PPM1L: variants seen among roughly 807,000 people sequenced by gnomAD.
PPM1L encodes protein phosphatase, Mg2+/Mn2+ dependent 1L.
In PPM1L, 13 loss-of-function variants were observed where a neutral mutation model predicts 31.4. The ratio of observed to expected loss-of-function variants is 0.41; its 90% CI spans 0.27 to 0.66. The LOEUF is 0.66. Ranked by LOEUF, PPM1L falls within the 30% of genes least tolerant of loss-of-function variation. The pLI is 0.29. For synonymous variants in PPM1L, 184 were observed against 175.4 expected (o/e 1.05, Z -0.39); for missense variants, 326 against 453.7 (o/e 0.72, Z 2.56).
At chr3:161,026,089 A>G (rs1718381671) in intron 2 of PPM1L, among the ~76,000 whole-genome samples, 1 of 152,230 alleles carries the variant, frequency 6.6e-6, no homozygotes. Flanking sequence ...CCAAAGAAGG[A>G]ACCCAGAAAG....
chr3:160,817,304 T>C (rs1324239867), intron 1 of PPM1L, among the ~76,000 whole-genome samples: 1 of 152,044 alleles, frequency 6.6e-6, no homozygotes, highest in Non-Finnish European at 1.5e-5. Context: ...ATAAATGATA[T>C]GCTTTAGCAT....
At chr3:160,946,471 G>T (rs1396099768) in intron 1 of PPM1L, among the ~76,000 whole-genome samples, 1 of 152,098 alleles carries the variant, frequency 6.6e-6, no homozygotes, top group Non-Finnish European at 1.5e-5. Flanking sequence ...CATTACTTCT[G>T]ATTTCTCCAG....
rs150469410 is a variant in PPM1L at position 160,819,880 on chromosome 3, A to G, written c.399+63173A>G. On this transcript the variant is annotated intron_variant, in intron 1 of 3. Transcript: ENST00000498165. ...TTATATTAATCATATTTTTTGCTCC[A>G]TGACATCCTTTGTCATTTTATTGTT... Among the ~76,000 whole-genome samples the G allele has an allele frequency of 3.4e-3, 511 of 152,136 alleles. 2 individuals carry two copies. The highest frequency in any genetic ancestry group is 0.012 in the African/African-American group (498 of 41,534).
intron 1 of PPM1L, among the ~76,000 whole-genome samples, chr3:160,800,137 G>T (rs1429261641): frequency 6.6e-6 from 1 of 152,128 alleles, no homozygotes; most frequent in Non-Finnish European, 1.5e-5. Flanking sequence ...TGTTTAAATT[G>T]TCTATTATTG....
Position 161,013,732 on chromosome 3 carries a change from G to C in PPM1L, c.575-51671G>C, listed in dbSNP as rs570145717. ...CCTGTATTGAGTGCATATATATTTAGGATAGTTCGGTCTTCTTGTTGAATT... is the reference window on the plus strand; with the variant it reads ...CCTGTATTGAGTGCATATATATTTACGATAGTTCGGTCTTCTTGTTGAATT... On this transcript the variant is annotated intron_variant, in intron 2 of 3. Transcript: ENST00000498165. Among the ~76,000 whole-genome samples, 8 of 152,244 alleles carry C rather than the reference G, an allele frequency of 5.3e-5. No homozygotes were observed. The East Asian group carries it at 1.5e-3, about 29-fold the overall frequency.
At chr3:160,760,548 G>A (rs1025762945) in intron 1 of PPM1L, among the ~76,000 whole-genome samples, 11 of 152,164 alleles carry the variant, frequency 7.2e-5, no homozygotes, top group Non-Finnish European at 7.3e-5. Context: ...AGGTATGGCA[G>A]TGATTGTCTT....
At chr3:160,771,543 C>CTTTTT (rs745978148) in intron 1 of PPM1L, among the ~76,000 whole-genome samples, 6 of 77,372 alleles carry the variant, frequency 7.8e-5, no homozygotes, top group South Asian at 6.0e-4. Flanking sequence ...AAGGCTGGCT[C>CTTTTT]TTTTTTTTTT....
chr3:160,790,485 G>A (rs1286128125), intron 1 of PPM1L, among the ~76,000 whole-genome samples: 2 of 152,090 alleles, frequency 1.3e-5, no homozygotes, highest in Non-Finnish European at 2.9e-5. Flanking sequence ...TGGCAGAGAA[G>A]CAGCAAATTC....
At chr3:160,982,459 T>G (rs1716831036) in intron 2 of PPM1L, among the ~76,000 whole-genome samples, 1 of 152,242 alleles carries the variant, frequency 6.6e-6, no homozygotes. Flanking sequence ...TTTTTCTCTT[T>G]GTTTCCTTAA....
rs1576631761 is a variant in PPM1L at position 161,077,016 on chromosome 3, T to C, written c.*7859T>C. 1 of 152,204 alleles carries C rather than the reference T, an allele frequency of 6.6e-6. No individual in the cohort carries two copies. The highest frequency in any genetic ancestry group is 1.9e-4 in the East Asian group (1 of 5,192). The allele number at this position is 152,204 out of a possible 1,614,324, so 9.4% of individuals were successfully genotyped here. A position where few individuals can be genotyped will look rare whatever the true frequency, so the allele number is the denominator to read the frequency against. ...TACTATGTGCCAGGCAGTGACTGTG[T>C]CTGAGTGAATGTATCCATGGTGAGC... On this transcript the variant is annotated 3_prime_UTR_variant, in exon 4 of 4. Coordinates refer to ENST00000498165, the MANE Select transcript of PPM1L (RefSeq NM_139245.4).
Position 160,922,862 on chromosome 3 carries a change from T to A in PPM1L, c.400-38874T>A, listed in dbSNP as rs558558095. Among the ~76,000 whole-genome samples the A allele has an allele frequency of 1.2e-4, 19 of 152,342 alleles. No homozygotes were observed. The South Asian group carries it at 3.9e-3, about 32-fold the overall frequency. ...AATCATAGTTAACACAGACATGGGT[T>A]CTCTTCTCATAAAGGGTATGATAAA... On this transcript the variant is annotated intron_variant, in intron 1 of 3. Coordinates refer to ENST00000498165, the MANE Select transcript of PPM1L (RefSeq NM_139245.4).
At chr3:160,969,713 C>A (rs1302408843) in intron 2 of PPM1L, among the ~76,000 whole-genome samples, 1 of 152,052 alleles carries the variant, frequency 6.6e-6, no homozygotes, top group Non-Finnish European at 1.5e-5. Context: ...GACTTGTTGA[C>A]AAGAATTGGA....
At chr3:160,921,542 A>G (rs1451476075) in intron 1 of PPM1L, among the ~76,000 whole-genome samples, 2 of 152,162 alleles carry the variant, frequency 1.3e-5, no homozygotes, top group African/African-American at 4.8e-5. Context: ...AATTAATTAA[A>G]CATTTAAACT....
chr3:161,066,212 A>C (rs1719735565), intron 3 of PPM1L, among the ~76,000 whole-genome samples: 1 of 152,210 alleles, frequency 6.6e-6, no homozygotes, highest in South Asian at 2.1e-4. Flanking sequence ...TGGTATAAGT[A>C]AATATTTCAG....
rs1436673563 is a variant in PPM1L, at chr3:160,901,247, A to G, written c.400-60489A>G. The stretch of plus-strand genomic sequence containing the variant: ...TATATCTGAGACTTAACATGCTCCA[A>G]AATGAAGTCCTGGTCTCCCCACCCA... On this transcript the variant is annotated intron_variant, in intron 1 of 3. Transcript: ENST00000498165. 5.3e-5 allele frequency among the ~76,000 whole-genome samples: 8 copies of G among 152,244 alleles called. No homozygotes were observed. The East Asian group carries it at 1.5e-3, about 29-fold the overall frequency.
intron 1 of PPM1L, among the ~76,000 whole-genome samples, chr3:160,873,673 G>A (rs1170706763): frequency 2.0e-5 from 3 of 151,958 alleles, no homozygotes; most frequent in Non-Finnish European, 4.4e-5. Context: ...TCAGCCTCCT[G>A]AGAAGCTGGG....
At chr3:161,011,921 A>G (rs1380437374) in intron 2 of PPM1L, among the ~76,000 whole-genome samples, 1 of 152,228 alleles carries the variant, frequency 6.6e-6, no homozygotes, top group Admixed American at 6.5e-5. Context: ...TTTTGGGCTG[A>G]GACGATGGGG....
chr3:161,001,696 C>T (rs1475238876), intron 2 of PPM1L, among the ~76,000 whole-genome samples: 3 of 152,144 alleles, frequency 2.0e-5, no homozygotes, highest in African/African-American at 7.2e-5. Context: ...GCTTCACTAG[C>T]TACCAGTGCC....
chr3:160,840,742 AGGAG>A (rs1399383269), intron 1 of PPM1L, among the ~76,000 whole-genome samples: 1 of 138,740 alleles, frequency 7.2e-6, no homozygotes, highest in Non-Finnish European at 1.5e-5. Context: ...GAGAGAGAGA[AGGAG>A]AGAGAGAAAG....
Sources: allele counts gnomAD v4.1 joint callset (sites outside exome capture counted in the v4.1 genomes callset), GRCh38; gene constraint gnomAD v4.1.1; transcripts MANE v1.5; gene names NCBI Gene and HGNC (gene_info 2026-07-23, HGNC 2026-07-21).